The following ATP8B3 variants were observed in gnomAD, a reference collection of about 807,000 sequenced individuals.
The protein encoded by ATP8B3 is ATPase phospholipid transporting 8B3, also known as phospholipid-transporting ATPase IK.
In ATP8B3, 141 loss-of-function variants were observed where a neutral mutation model predicts 140.9. The observed-to-expected ratio is 1.00, with a 90% CI of 0.87 to 1.15. ATP8B3 has a LOEUF of 1.15. Ranked by LOEUF, ATP8B3 falls within the 50% of genes most tolerant of loss-of-function variation. The pLI, the probability that ATP8B3 is intolerant of heterozygous loss-of-function variation, is 0.00. For missense variants in ATP8B3, 1,874 were observed against 1,740.6 expected (o/e 1.08, Z -1.36); for synonymous variants, 765 against 714.6 (o/e 1.07, Z -1.13).
intron 18 of ATP8B3, among the ~76,000 whole-genome samples, chr19:1,792,914 CA>C (rs199718872): frequency 5.0e-4 from 50 of 100,508 alleles, no homozygotes; most frequent in Admixed American, 6.3e-4. Flanking sequence ...GATTCTGTTT[CA>C]AAAAAAAAAA....
In ATP8B3 at chr19:1,785,288, T is replaced by C. The variant is rs1162140644; in HGVS notation, c.3403A>G (p.Ile1135Val). The C allele has an allele frequency of 6.3e-7, 1 of 1,599,128 alleles. No individual in the cohort carries two copies. Among genetic ancestry groups the C allele is most frequent in the Non-Finnish European group, 8.5e-7 (1 of 1,172,696 alleles). Residue 1135 changes from isoleucine to valine, a missense_variant, in exon 27 of 29, where the codon ATC becomes GTC. Coordinates refer to ENST00000310127, the MANE Select transcript of ATP8B3 (RefSeq NM_138813.4). ...CACAGGGCGGTCCAGTACTTGATGATAAGAATGACCTGGACAGGCAGCGGT... is the reference window on the plus strand; with the variant it reads ...CACAGGGCGGTCCAGTACTTGATGACAAGAATGACCTGGACAGGCAGCGGT... The part of the protein sequence containing the change: ...LLSITMEVIL[I>V]IKYWTALCVA...
chr19:1,803,103 C>T (rs1390601199), intron 10 of ATP8B3, among the ~76,000 whole-genome samples: 3 of 152,174 alleles, frequency 2.0e-5, no homozygotes, highest in Non-Finnish European at 4.4e-5. Context: ...AGAAGGGACG[C>T]CTGATCGATG....
intron 16 of ATP8B3, among the ~76,000 whole-genome samples, 159 bp downstream of exon 16, chr19:1,796,552 C>T (rs2068681911): frequency 6.6e-6 from 1 of 152,254 alleles, no homozygotes; most frequent in African/African-American, 2.4e-5. Flanking sequence ...GGCTCCAGGC[C>T]CGGACGCCCT....
intron 24 of ATP8B3, among the ~76,000 whole-genome samples, chr19:1,787,400 C>CA (rs2068339110): frequency 6.6e-6 from 1 of 152,120 alleles, no homozygotes; most frequent in African/African-American, 2.4e-5. Flanking sequence ...CTCATAATGG[C>CA]ACCTCTGAGT....
chr19:1,808,808 A>G (rs550719538), intron 4 of ATP8B3, among the ~76,000 whole-genome samples: 2 of 152,242 alleles, frequency 1.3e-5, no homozygotes, highest in Non-Finnish European at 2.9e-5. Context: ...GACAGGGCAA[A>G]TGAGACACAC....
Position 1,806,029 on chromosome 19 carries a change from A to T in ATP8B3, c.750+68T>A. ...AATTGGGGGTGCGGCAGCCCTCCCC[A>T]CCCTGGGAGGGGTGCTCTCGGTGAG... On this transcript the variant is annotated intron_variant, in intron 8 of 28. Coordinates refer to ENST00000310127, the MANE Select transcript of ATP8B3 (RefSeq NM_138813.4). This position sits in a 1 kb window ranked among gnomAD's most constrained non-coding sequence, Gnocchi z 5.6. The T allele has an allele frequency of 1.3e-6, 2 of 1,598,042 alleles. No individual in the cohort carries two copies. Among genetic ancestry groups the T allele is most frequent in the Non-Finnish European group, 1.7e-6 (2 of 1,173,002 alleles).
chr19:1,809,700 G>A lies in ATP8B3; in HGVS notation c.345C>T (p.Ala115=). The change falls in exon 4 of 29, where the codon GCC becomes GCT. Residue 115 remains alanine, a synonymous_variant. Coordinates refer to ENST00000310127, the MANE Select transcript of ATP8B3 (RefSeq NM_138813.4). Reference sequence around the variant, plus strand: ...CCTTCTCCTTGAACTGCCCGTTGTAGGCACGGTTGTTGGCCTGGACCTTCC... The same window carrying A: ...CCTTCTCCTTGAACTGCCCGTTGTAAGCACGGTTGTTGGCCTGGACCTTCC... ...FTWKVQANNR[A]YNGQFKEKVI... The A allele has an allele frequency of 6.2e-7, 1 of 1,611,660 alleles. No homozygotes were observed. The highest frequency in any genetic ancestry group is 8.5e-7 in the Non-Finnish European group (1 of 1,179,216).
chr19:1,785,716 CAAGCAGAAG>C lies in ATP8B3; in HGVS notation c.3154-17_3154-9del. 3.8e-6 allele frequency: 6 copies of C among 1,561,622 alleles called. No individual in the cohort carries two copies. The highest frequency in any genetic ancestry group is 3.5e-6 in the Non-Finnish European group (4 of 1,152,138). ...CTGCTCTGCGCTCACGTCCTTGGGG[CAAGCAGAAG>C]CTCTTGGGATTGGGTGGGGGGCGGG... On this transcript the variant is annotated splice_polypyrimidine_tract_variant and intron_variant, in intron 25 of 28. Transcript: ENST00000310127.
Position 1,807,390 on chromosome 19 carries a change from G to A in ATP8B3, c.517-124C>T. On this transcript the variant is annotated intron_variant, in intron 5 of 28. Coordinates refer to ENST00000310127, the MANE Select transcript of ATP8B3 (RefSeq NM_138813.4). This position sits in a 1 kb window ranked among gnomAD's most constrained non-coding sequence, Gnocchi z 5.9. Reference sequence around the variant, plus strand: ...CACATCTGCTGGCCACCTTGACCGGGGTCCAGCCATCTCCTGCAACCCCCA... The same window carrying A: ...CACATCTGCTGGCCACCTTGACCGGAGTCCAGCCATCTCCTGCAACCCCCA... 4.0e-6 allele frequency: 3 copies of A among 743,850 alleles called. No homozygotes were observed. The highest frequency in any genetic ancestry group is 3.2e-4 in the Middle Eastern group (1 of 3,172). 46.1% of individuals were successfully genotyped at this position (743,850 alleles called of 1,614,324 possible).
Position 1,806,351 on chromosome 19 carries a change from A to G in ATP8B3, c.678-182T>C. 6.9e-7 allele frequency: 1 copy of G among 1,453,384 alleles called. No homozygotes were observed. Among genetic ancestry groups the G allele is most frequent in the Non-Finnish European group, 9.0e-7 (1 of 1,109,598 alleles). 90.0% of individuals were successfully genotyped at this position (1,453,384 alleles called of 1,614,324 possible). A position where few individuals can be genotyped will look rare whatever the true frequency, so the allele number is the denominator to read the frequency against. ...TCCCCGCGGGTCCACGCTCCCACCCAGTGACCTCCAGGGTCCTGCACCCAC... is the reference window on the plus strand; with the variant it reads ...TCCCCGCGGGTCCACGCTCCCACCCGGTGACCTCCAGGGTCCTGCACCCAC... On this transcript the variant is annotated intron_variant, in intron 7 of 28. Coordinates refer to ENST00000310127, the MANE Select transcript of ATP8B3 (RefSeq NM_138813.4). The surrounding 1 kb of genome is among the most constrained non-coding windows in gnomAD (Gnocchi z 5.6).
intron 2 of ATP8B3, among the ~76,000 whole-genome samples, chr19:1,811,267 C>T (rs926128884): frequency 6.6e-6 from 1 of 152,168 alleles, no homozygotes; most frequent in African/African-American, 2.4e-5. Context: ...TGGAGGCAGA[C>T]GGACATCGTC....
intron 10 of ATP8B3, among the ~76,000 whole-genome samples, chr19:1,803,309 C>A (rs1040829399): frequency 6.6e-5 from 10 of 152,188 alleles, no homozygotes; most frequent in Non-Finnish European, 1.5e-4. Context: ...GAAGGGTCCT[C>A]ACCTGCCTCC....
intron 25 of ATP8B3, among the ~76,000 whole-genome samples, chr19:1,785,988 C>A (rs2068293808): frequency 6.6e-6 from 1 of 151,904 alleles, no homozygotes; most frequent in Non-Finnish European, 1.5e-5. Context: ...TTTAAAGGAG[C>A]TGGGTGTGGT....
rs374249527 is a variant in ATP8B3 at position 1,783,049 on chromosome 19, C to T, written c.3882G>A (p.Ser1294=). The T allele has an allele frequency of 9.7e-5, 156 of 1,609,166 alleles. No individual in the cohort carries two copies. Among genetic ancestry groups the T allele is most frequent in the Non-Finnish European group, 1.2e-4 (145 of 1,177,986 alleles). ...SLDPSDEEAA[S]SPKESQ is the part of the protein sequence containing the mutation. ...GGTGTCACTGTGACTCTTTTGGGCT[C>T]GAAGCTGCCTCTTCATCAGATGGGT... Residue 1294 remains serine (S), a synonymous_variant, in exon 29 of 29, where the codon TCG becomes TCA. Transcript: ENST00000310127.
Position 1,800,084 on chromosome 19 carries a change from T to A in ATP8B3, c.1415A>T (p.Asp472Val), listed in dbSNP as rs2068795648. ...WDVQMYYKPQDVPAKARSTSL... is the reference protein window; with the variant it reads ...WDVQMYYKPQVVPAKARSTSL... Reference sequence around the variant, plus strand: ...GGTGCTGCGGGCCTTGGCAGGCACGTCCTGCGGCTTGTAGTACATCTGCAC... The same window carrying A: ...GGTGCTGCGGGCCTTGGCAGGCACGACCTGCGGCTTGTAGTACATCTGCAC... Residue 472 changes from aspartate to valine, a missense_variant, in exon 14 of 29, where the codon GAC (aspartate) becomes GTC (valine). This residue lies in a region of ATP8B3 where 1,032 missense variants were observed against 963.6 expected (regional missense o/e 1.07). Coordinates refer to ENST00000310127, the MANE Select transcript of ATP8B3 (RefSeq NM_138813.4). The surrounding 1 kb of genome is among the most constrained non-coding windows in gnomAD (Gnocchi z 4.4). The A allele has an allele frequency of 3.2e-6, 5 of 1,576,554 alleles. No homozygotes were observed. The highest frequency in any genetic ancestry group is 4.3e-6 in the Non-Finnish European group (5 of 1,161,422).
intron 22 of ATP8B3, 23 bp downstream of exon 22, chr19:1,789,867 C>T: frequency 6.2e-7 from 1 of 1,609,514 alleles, no homozygotes; most frequent in Non-Finnish European, 8.5e-7. Context: ...GGGACCCCGC[C>T]GTCCACCCTG....
In ATP8B3 at chr19:1,803,200, G is replaced by T. The variant is rs143958249; in HGVS notation, c.905-555C>A. On this transcript the variant is annotated intron_variant, in intron 10 of 28. Transcript: ENST00000310127. Reference sequence around the variant, plus strand: ...CCTGCAATGGCCTCACTTCATTGGAGAACTGCACAGACTGGCCCGGGGCAG... The same window carrying T: ...CCTGCAATGGCCTCACTTCATTGGATAACTGCACAGACTGGCCCGGGGCAG... 3.3e-4 allele frequency among the ~76,000 whole-genome samples: 51 copies of T among 152,280 alleles called. No individual in the cohort carries two copies. The East Asian group carries it at 8.1e-3, about 24-fold the overall frequency.
rs189559078 is a variant in ATP8B3 at position 1,810,126 on chromosome 19, C to T, written c.311-392G>A. ...CCCAGATCTTTCTGGGCATGCAGCCCCCAAATCCTGAGCCAAATCCCCCAA... is the reference window on the plus strand; with the variant it reads ...CCCAGATCTTTCTGGGCATGCAGCCTCCAAATCCTGAGCCAAATCCCCCAA... On this transcript the variant is annotated intron_variant, in intron 3 of 28. Transcript: ENST00000310127. Among the ~76,000 whole-genome samples, 225 of 152,320 alleles carry T rather than the reference C, an allele frequency of 1.5e-3. 1 individual carries two copies. Among genetic ancestry groups the T allele is most frequent in the East Asian group, 0.014 (72 of 5,168 alleles).
chr19:1,810,092 A>C (rs2069145078), intron 3 of ATP8B3, among the ~76,000 whole-genome samples: 1 of 152,358 alleles, frequency 6.6e-6, no homozygotes, highest in South Asian at 2.1e-4. Flanking sequence ...CCATACATCC[A>C]GCTGGCGGCC....
Sources: gnomAD v4.1 joint callset for allele counts (sites outside exome capture counted in the v4.1 genomes callset) on GRCh38, gnomAD v4.1.1 for gene constraint, gnomAD v4.1.1 regional missense constraint, Gnocchi (gnomAD v3.1) non-coding constraint, MANE v1.5 for transcripts, NCBI Gene and HGNC (gene_info 2026-07-23, HGNC 2026-07-21) for gene names.